The following LRMDA variants were observed in gnomAD, a reference collection of about 807,000 sequenced individuals.
LRMDA encodes leucine-rich melanocyte differentiation-associated protein.
A neutral mutation model predicts 29.8 loss-of-function variants in LRMDA; 18 were observed. The ratio of observed to expected loss-of-function variants is 0.60; its 90% CI spans 0.42 to 0.90. The LOEUF is 0.90. Among genes scored for constraint, LRMDA ranks in the 40% least tolerant of loss-of-function variants. The pLI is 0.00. For synonymous variants in LRMDA, 125 were observed against 109.4 expected, an observed-to-expected ratio of 1.14 and a Z score of -0.89; for missense variants, 273 against 273.9, an observed-to-expected ratio of 1.00 and a Z score of 0.02.
At chr10:75,909,725 T>A (rs1406279852) in intron 2 of LRMDA, among the ~76,000 whole-genome samples, 1 of 152,218 alleles carries the variant, frequency 6.6e-6, no homozygotes, top group Non-Finnish European at 1.5e-5. Context: ...AGTGCCTATA[T>A]CCTAGAATGA....
At chr10:76,382,904 C>A (rs921598150) in intron 6 of LRMDA, among the ~76,000 whole-genome samples, 1 of 152,162 alleles carries the variant, frequency 6.6e-6, no homozygotes, top group Admixed American at 6.5e-5. Flanking sequence ...GACTGTCAGA[C>A]GAAGAGAAGG....
chr10:75,944,940 A>C (rs1344574087), intron 2 of LRMDA, among the ~76,000 whole-genome samples: 1 of 151,924 alleles, frequency 6.6e-6, no homozygotes, highest in Non-Finnish European at 1.5e-5. Context: ...AAAGCATTTG[A>C]GTCTTAATTA....
At chr10:75,924,286 A>G (rs1442200442) in intron 2 of LRMDA, among the ~76,000 whole-genome samples, 1 of 152,186 alleles carries the variant, frequency 6.6e-6, no homozygotes, top group African/African-American at 2.4e-5. Flanking sequence ...AATGTACCGA[A>G]AAATTGGACG....
At chr10:75,807,220 A>G (rs1331870372) in intron 2 of LRMDA, among the ~76,000 whole-genome samples, 2 of 152,132 alleles carry the variant, frequency 1.3e-5, no homozygotes, top group East Asian at 1.9e-4. Context: ...GCATATGGCC[A>G]GGGTTTGTGT....
intron 2 of LRMDA, among the ~76,000 whole-genome samples, chr10:75,620,190 A>G (rs2132105864): frequency 6.6e-6 from 1 of 152,328 alleles, no homozygotes; most frequent in Non-Finnish European, 1.5e-5. Flanking sequence ...CAGGGAGGCC[A>G]GTCCCTTTTT....
chr10:75,769,127 A>G (rs932549144), intron 2 of LRMDA, among the ~76,000 whole-genome samples: 1 of 152,240 alleles, frequency 6.6e-6, no homozygotes, highest in Non-Finnish European at 1.5e-5. Flanking sequence ...TTCAGCCTTC[A>G]TGCTGTCAGA....
intron 2 of LRMDA, among the ~76,000 whole-genome samples, chr10:75,983,304 A>C (rs1038477613): frequency 2.0e-5 from 3 of 152,196 alleles, no homozygotes; most frequent in African/African-American, 7.2e-5. Context: ...CACATTCACT[A>C]ACTTGGAAAG....
At chr10:76,446,675 T>C (rs1050646240) in intron 6 of LRMDA, among the ~76,000 whole-genome samples, 2 of 152,198 alleles carry the variant, frequency 1.3e-5, no homozygotes, top group Non-Finnish European at 2.9e-5. Flanking sequence ...GCTATGTAAT[T>C]GTGTGATTCC....
At chr10:76,217,392 A>G (rs571338782) in intron 5 of LRMDA, among the ~76,000 whole-genome samples, 17 of 152,292 alleles carry the variant, frequency 1.1e-4, no homozygotes, top group African/African-American at 3.6e-4. Context: ...CTGATTTGCT[A>G]TTAAACTAGA....
At chr10:75,482,618 G>A (rs116886391) in intron 2 of LRMDA, among the ~76,000 whole-genome samples, 2,585 of 152,242 alleles carry the variant, frequency 0.017, 58 homozygotes, top group East Asian at 0.099. Context: ...CATGGTAGAT[G>A]TGCAGCACAT....
chr10:76,055,089 A>AAAAAAAAAAAAAAAG, intron 4 of LRMDA, among the ~76,000 whole-genome samples: 1 of 125,456 alleles, frequency 8.0e-6, no homozygotes, highest in Non-Finnish European at 1.7e-5. Flanking sequence ...AAAAAAAAAA[A>AAAAAAAAAAAAAAAG]AAAAAGAAAA....
At chr10:75,839,487 A>G (rs1244246325) in intron 2 of LRMDA, among the ~76,000 whole-genome samples, 1 of 152,030 alleles carries the variant, frequency 6.6e-6, no homozygotes, top group East Asian at 1.9e-4. Context: ...CTGTGCTCCC[A>G]TAACATGATA....
intron 2 of LRMDA, among the ~76,000 whole-genome samples, chr10:75,738,215 C>A (rs536170987): frequency 1.2e-4 from 18 of 151,772 alleles, no homozygotes; most frequent in African/African-American, 3.9e-4. Context: ...TGTTTTTGAA[C>A]TTCTCCCTGT....
rs145569155 is a variant in LRMDA, at chr10:76,195,036, T to G, written c.517-129365T>G. Among the ~76,000 whole-genome samples the G allele has an allele frequency of 2.0e-5, 3 of 152,284 alleles. No homozygotes were observed. The East Asian group carries it at 5.8e-4, about 29-fold the overall frequency. On this transcript the variant is annotated intron_variant, in intron 5 of 6. Transcript: ENST00000611255. ...GGTCAAAGCCACTCTTGAGATTCAT[T>G]TTTACAGGCCTCCTAATTGTACATT...
intron 2 of LRMDA, among the ~76,000 whole-genome samples, chr10:75,898,468 T>C (rs1483541418): frequency 5.3e-5 from 8 of 152,180 alleles, no homozygotes; most frequent in Non-Finnish European, 1.2e-4. Context: ...ATCTCACTTG[T>C]TCCTGATGCA....
At chr10:76,145,613 C>T (rs1040156066) in intron 5 of LRMDA, among the ~76,000 whole-genome samples, 23 of 152,112 alleles carry the variant, frequency 1.5e-4, no homozygotes, top group African/African-American at 5.1e-4. Context: ...AACAGTCTAT[C>T]AGTTTTGTTG....
intron 6 of LRMDA, among the ~76,000 whole-genome samples, chr10:76,488,007 T>C (rs886160220): frequency 2.6e-5 from 4 of 151,850 alleles, no homozygotes; most frequent in African/African-American, 7.2e-5. Context: ...GGTGTTCAAA[T>C]TGCATGATTT....
chr10:75,766,045 T>A (rs1383083338), intron 2 of LRMDA, among the ~76,000 whole-genome samples: 1 of 152,166 alleles, frequency 6.6e-6, no homozygotes, highest in Non-Finnish European at 1.5e-5. Flanking sequence ...CTAAAAAATG[T>A]CTGTTGGAAG....
chr10:76,247,925 C>T (rs990303897), intron 5 of LRMDA, among the ~76,000 whole-genome samples: 5 of 152,118 alleles, frequency 3.3e-5, no homozygotes, highest in Admixed American at 6.5e-5. Context: ...GTGAAGGTAC[C>T]TGCATTTTTG....
Sources: allele counts gnomAD v4.1 joint callset (sites outside exome capture counted in the v4.1 genomes callset), GRCh38; gene constraint gnomAD v4.1.1; transcripts MANE v1.5; gene names NCBI Gene and HGNC (gene_info 2026-07-23, HGNC 2026-07-21).